The following ABCC5 variants were observed in gnomAD, a reference collection of about 807,000 sequenced individuals.
The protein encoded by ABCC5 is ATP-binding cassette sub-family C member 5.
Under a neutral mutation model 160.9 loss-of-function variants are expected in ABCC5, and 61 were observed. The ratio of observed to expected loss-of-function variants is 0.38; its 90% CI spans 0.31 to 0.47. The LOEUF is 0.47. Ranked by LOEUF, ABCC5 falls within the 20% of genes least tolerant of loss-of-function variation. ABCC5 has a pLI of 0.99. For missense variants in ABCC5, 1,308 were observed against 1,813.3 expected, an observed-to-expected ratio of 0.72 and a Z score of 5.06; for synonymous variants, 666 against 700.6, an observed-to-expected ratio of 0.95 and a Z score of 0.78.
chr3:183,946,769 A>G (rs1350815937), intron 23 of ABCC5, among the ~76,000 whole-genome samples: 1 of 152,152 alleles, frequency 6.6e-6, no homozygotes, highest in East Asian at 1.9e-4. Context: ...TAATTCCAAT[A>G]CCATTATTTT....
At chr3:183,995,633 A>G (rs906491386) in intron 2 of ABCC5, among the ~76,000 whole-genome samples, 1 of 152,032 alleles carries the variant, frequency 6.6e-6, no homozygotes, top group East Asian at 1.9e-4. Context: ...TCATTGATCT[A>G]TTTGTCTACC....
chr3:183,936,288 G>A (rs1713712888), intron 26 of ABCC5, among the ~76,000 whole-genome samples: 1 of 152,074 alleles, frequency 6.6e-6, no homozygotes, highest in Non-Finnish European at 1.5e-5. Context: ...CTCCAGAACT[G>A]AGAGAAATAA....
At chr3:183,992,072 C>G (rs564613100) in intron 2 of ABCC5, among the ~76,000 whole-genome samples, 11 of 152,316 alleles carry the variant, frequency 7.2e-5, no homozygotes, top group African/African-American at 2.6e-4. Flanking sequence ...GGCTATAAAG[C>G]AAACCTCAAC....
intron 11 of ABCC5, among the ~76,000 whole-genome samples, chr3:183,969,007 G>A (rs1020522205): frequency 1.3e-5 from 2 of 152,168 alleles, no homozygotes; most frequent in South Asian, 2.1e-4. Flanking sequence ...CTGCCTGGTG[G>A]CAACAAGGAG....
intron 25 of ABCC5, 155 bp downstream of exon 25, chr3:183,942,571 TG>T: frequency 1.1e-6 from 1 of 878,876 alleles, no homozygotes; most frequent in Non-Finnish European, 1.8e-6. Context: ...GTCATCAAAG[TG>T]GGGTCAACAA....
chr3:183,967,262 T>C lies in ABCC5; in HGVS notation c.1833+433A>G, dbSNP rs1219459101. 2.5e-5 allele frequency: 5 copies of C among 196,108 alleles called. No homozygotes were observed. The East Asian group carries it at 5.6e-4, about 22-fold the overall frequency. 12.1% of individuals were successfully genotyped at this position (196,108 alleles called of 1,614,324 possible). ...GCAGAAAACAGAGGGGCTTTGCTTC[T>C]AGATCAAACCCTGACAGTCCTGTCT... On this transcript the variant is annotated intron_variant, in intron 12 of 29. Coordinates refer to ENST00000334444, the MANE Select transcript of ABCC5 (RefSeq NM_005688.4).
At position 183,951,471 on chromosome 3, in the gene ABCC5, G is replaced by A. The variant is rs749507582; in HGVS notation, c.2914C>T (p.Leu972Phe). 1 of 1,614,198 alleles carries A rather than the reference G, an allele frequency of 6.2e-7. No homozygotes were observed. The highest frequency in any genetic ancestry group is 8.5e-7 in the Non-Finnish European group (1 of 1,180,034). ...TCCATGTCTTTGGAAAACCTGTTGA[G>A]AATCCTCCCTGTGGGGGTCGTGTCA... The part of the protein sequence containing the change: ...FFDTTPTGRI[L>F]NRFSKDMDEV... The change falls in exon 20 of 30, where the codon CTC (leucine) becomes TTC (phenylalanine). Residue 972 changes from leucine (L) to phenylalanine (F), a missense_variant. By Grantham distance (22) the Leu-to-Phe change is conservative. Transcript: ENST00000334444. This position sits in a 1 kb window ranked among gnomAD's most constrained non-coding sequence, Gnocchi z 4.7.
chr3:183,964,552 T>G (rs1170102462), intron 14 of ABCC5, among the ~76,000 whole-genome samples: 1 of 152,204 alleles, frequency 6.6e-6, no homozygotes, highest in African/African-American at 2.4e-5. Flanking sequence ...AGTTCCCAGA[T>G]GATGCTGATG....
At chr3:183,984,670 T>A in intron 5 of ABCC5, 1 of 1,458,610 alleles carries the variant, frequency 6.9e-7, no homozygotes, top group African/African-American at 1.4e-5. Context: ...CTCCCTCAGA[T>A]TTTTAGGTTT....
chr3:184,000,410 T>C (rs1720652177), intron 2 of ABCC5, among the ~76,000 whole-genome samples: 1 of 151,970 alleles, frequency 6.6e-6, no homozygotes. Flanking sequence ...ATATTTCGAG[T>C]AGTGGACTTG....
rs568810572 is a variant in ABCC5 at position 183,947,354 on chromosome 3, A to G, written c.3384T>C (p.Tyr1128=). ...CAGCATAAGAGATGGCGAGACCCGC[A>G]TAGGCTGGGGGAATCTGCCCGTGCA... ...VLMHGQIPPA[Y]AGLAISYAVQ... is the part of the protein sequence containing the mutation. Residue 1128 remains tyrosine, a synonymous_variant, in exon 23 of 30, where the codon TAT becomes TAC. Transcript: ENST00000334444. 9.3e-6 allele frequency: 15 copies of G among 1,613,144 alleles called. No homozygotes were observed. Among genetic ancestry groups the G allele is most frequent in the Admixed American group, 5.0e-5 (3 of 59,958 alleles).
rs922581229 is a variant in ABCC5 at position 183,951,891 on chromosome 3, A to T, written c.2780T>A (p.Ile927Asn). ...IYALSMAVML[I>N]LKAIRGVVFV... ...GACAACTCCTCGAATGGCTTTCAGG[A>T]TCAGCATGACTGCCATGGAGAGGGC... Residue 927 changes from isoleucine to asparagine, a missense_variant, in exon 19 of 30, where the codon ATC becomes AAC. This residue lies in a region of ABCC5 where 1,142 missense variants were observed against 1,527.1 expected (regional missense o/e 0.75). Transcript: ENST00000334444. This position sits in a 1 kb window ranked among gnomAD's most constrained non-coding sequence, Gnocchi z 4.7. The T allele has an allele frequency of 1.8e-5, 29 of 1,613,872 alleles. No individual in the cohort carries two copies. Among genetic ancestry groups the T allele is most frequent in the Non-Finnish European group, 2.5e-5 (29 of 1,179,890 alleles).
chr3:184,001,174 G>T, intron 2 of ABCC5: 1 of 463,162 alleles, frequency 2.2e-6, no homozygotes, highest in Non-Finnish European at 3.9e-6. Flanking sequence ...GATCACAGGA[G>T]CCCAGGTGTT....
intron 17 of ABCC5, among the ~76,000 whole-genome samples, chr3:183,953,751 AGCAG>A (rs1715606188): frequency 6.6e-6 from 1 of 152,144 alleles, no homozygotes; most frequent in Non-Finnish European, 1.5e-5. Flanking sequence ...GAAAGGAGAG[AGCAG>A]GCAGAGAAAA....
intron 11 of ABCC5, 28 bp from the exon 12 acceptor site, chr3:183,967,794 C>T: frequency 6.4e-7 from 1 of 1,551,054 alleles, no homozygotes. Flanking sequence ...AGAGGAGGGT[C>T]ATTTAGAGAC....
At chr3:184,001,722 T>C (rs1366732623) in intron 2 of ABCC5, among the ~76,000 whole-genome samples, 4 of 152,242 alleles carry the variant, frequency 2.6e-5, no homozygotes, top group Non-Finnish European at 2.9e-5. Context: ...TTAGTACTGA[T>C]ATAGGCTGAC....
intron 28 of ABCC5, among the ~76,000 whole-genome samples, chr3:183,926,526 G>T (rs1157787605): frequency 1.3e-5 from 2 of 151,884 alleles, no homozygotes; most frequent in Non-Finnish European, 2.9e-5. Flanking sequence ...CTCCAGCCTG[G>T]GTGGCAGAGT....
chr3:183,984,660 C>G, intron 5 of ABCC5: 1 of 1,452,532 alleles, frequency 6.9e-7, no homozygotes, highest in Non-Finnish European at 9.0e-7. Context: ...CACCTCTCCC[C>G]TCCCTCAGAT....
chr3:183,939,526 G>A (rs1714083532), intron 25 of ABCC5, among the ~76,000 whole-genome samples: 1 of 152,160 alleles, frequency 6.6e-6, no homozygotes, highest in East Asian at 1.9e-4. Flanking sequence ...ATTCCATCAT[G>A]TGCATGTATT....
Sources: gnomAD v4.1 joint callset for allele counts (sites outside exome capture counted in the v4.1 genomes callset) on GRCh38, gnomAD v4.1.1 for gene constraint, gnomAD v4.1.1 regional missense constraint, Gnocchi (gnomAD v3.1) non-coding constraint, MANE v1.5 for transcripts, NCBI Gene and HGNC (gene_info 2026-07-23, HGNC 2026-07-21) for gene names.